The following KATNB1 variants were observed in gnomAD, a reference collection of about 807,000 sequenced individuals.
The protein encoded by KATNB1 is katanin p80 WD40 repeat-containing subunit B1.
A neutral mutation model predicts 82.3 loss-of-function variants in KATNB1; 38 were observed. The observed-to-expected ratio is 0.46, with a 90% CI of 0.36 to 0.61. The LOEUF (loss-of-function observed/expected upper bound fraction) is 0.61, where lower values mean the gene tolerates loss of function less well. Among genes scored for constraint, KATNB1 ranks in the 20% least tolerant of loss-of-function variants. The pLI is 0.00. For synonymous variants in KATNB1, 361 were observed against 368.7 expected, an observed-to-expected ratio of 0.98 and a Z score of 0.24; for missense variants, 749 against 915.7, an observed-to-expected ratio of 0.82 and a Z score of 2.35.
Position 57,756,995 on chromosome 16 carries a change from G to A in KATNB1, c.*49G>A, listed in dbSNP as rs782803522. On this transcript the variant is annotated 3_prime_UTR_variant, in exon 20 of 20. Transcript: ENST00000379661. ...CGGCAGCCCACAGGGCCTGGCCTCA[G>A]CCCCCACTCCTGTTCCTTGTGCACC... The A allele has an allele frequency of 3.6e-4, 526 of 1,459,992 alleles. 2 individuals are homozygous for A. Among genetic ancestry groups the A allele is most frequent in the South Asian group, 1.3e-3 (97 of 72,090 alleles). 90.4% of individuals were successfully genotyped at this position (1,459,992 alleles called of 1,614,324 possible). A position where few individuals can be genotyped will look rare whatever the true frequency, so the allele number is the denominator to read the frequency against.
chr16:57,751,545 T>G lies in KATNB1; in HGVS notation c.433-96T>G. 6 of 1,177,162 alleles carry G rather than the reference T, an allele frequency of 5.1e-6. No homozygotes were observed. The highest frequency in any genetic ancestry group is 1.7e-5 in the Admixed American group (1 of 58,902). 72.9% of individuals were successfully genotyped at this position (1,177,162 alleles called of 1,614,324 possible). ...AGCAGAACCAGGCGGGTAACCAGTG[T>G]TGTTAGATGGAAGGGGTCCCATAGG... is the stretch of plus-strand genomic sequence containing the variant. On this transcript the variant is annotated intron_variant, in intron 6 of 19. Transcript: ENST00000379661. This position sits in a 1 kb window ranked among gnomAD's most constrained non-coding sequence, Gnocchi z 6.3.
chr16:57,750,660 GTGGTGGGACCCT>G (rs2049219540), intron 4 of KATNB1, among the ~76,000 whole-genome samples, 155 bp from the exon 5 acceptor site: 1 of 152,160 alleles, frequency 6.6e-6, no homozygotes, highest in Admixed American at 6.5e-5. Context: ...CGTTGTTAGG[GTGGTGGGACCCT>G]TGATTGTTTC....
In KATNB1 at chr16:57,755,374, G is replaced by T. The variant is rs782410509; in HGVS notation, c.1446G>T (p.Leu482=). The change falls in exon 16 of 20, where the codon CTG becomes CTT. Residue 482 remains leucine, a synonymous_variant. Coordinates refer to ENST00000379661, the MANE Select transcript of KATNB1 (RefSeq NM_005886.3). ...PAVKIPQQAE[L]VDEDAMSQIR... The stretch of plus-strand genomic sequence containing the variant: ...TGAAGATCCCCCAGCAGGCCGAGCT[G>T]GTGGACGAGGATGCCATGTCACAGA... The T allele has an allele frequency of 1.2e-6, 2 of 1,613,234 alleles. No homozygotes were observed. The highest frequency in any genetic ancestry group is 1.7e-6 in the Non-Finnish European group (2 of 1,180,038).
Position 57,755,932 on chromosome 16 carries a change from AG to A in KATNB1, c.1643+20del. 2 of 1,605,006 alleles carry A rather than the reference AG, an allele frequency of 1.2e-6. No homozygotes were observed. Among genetic ancestry groups the A allele is most frequent in the Non-Finnish European group, 1.7e-6 (2 of 1,173,482 alleles). ...AACCAGAAAGCGTAAGTGGCTGCAG[AG>A]GGGGAGTGGGCGGAGGGGCAGGGCT... On this transcript the variant is annotated intron_variant, in intron 17 of 19. Coordinates refer to ENST00000379661, the MANE Select transcript of KATNB1 (RefSeq NM_005886.3).
rs1459929258 is a variant in KATNB1, at chr16:57,751,879, G to C, written c.517-61G>C. ...TGGATAAAGAGCTTGGCCTGGATTA[G>C]AGGGAGGGTGGGCAGCCAAGATGCC... On this transcript the variant is annotated intron_variant, in intron 7 of 19. Transcript: ENST00000379661. This position sits in a 1 kb window ranked among gnomAD's most constrained non-coding sequence, Gnocchi z 6.3. The C allele has an allele frequency of 3.4e-6, 5 of 1,452,958 alleles. No homozygotes were observed. Among genetic ancestry groups the C allele is most frequent in the African/African-American group, 1.4e-5 (1 of 71,412 alleles). The allele number at this position is 1,452,958 out of a possible 1,614,324, so 90.0% of individuals were successfully genotyped here. A position where few individuals can be genotyped will look rare whatever the true frequency, so the allele number is the denominator to read the frequency against.
intron 3 of KATNB1, among the ~76,000 whole-genome samples, chr16:57,744,149 A>G (rs1273070999): frequency 6.6e-6 from 1 of 152,232 alleles, no homozygotes; most frequent in African/African-American, 2.4e-5. Context: ...TCAGAAGCAC[A>G]GCAGGGAAGA....
intron 19 of KATNB1, 53 bp from the exon 20 acceptor site, chr16:57,756,761 G>C (rs1233004337): frequency 1.3e-6 from 2 of 1,494,484 alleles, no homozygotes; most frequent in Non-Finnish European, 1.8e-6. Flanking sequence ...CCTGGGGTTG[G>C]GTGTGGGTGG....
At chr16:57,744,540 C>G (rs150479961) in intron 4 of KATNB1, 29 bp downstream of exon 4, 1 of 1,526,536 alleles carries the variant, frequency 6.6e-7, no homozygotes, top group Non-Finnish European at 9.1e-7. Context: ...CTCCTGTGCA[C>G]GCACACCTGC....
Position 57,738,807 on chromosome 16 carries a change from T to A in KATNB1, c.40+1524T>A, listed in dbSNP as rs1009850850. Reference sequence around the variant, plus strand: ...CTGGCCTTTCCCCAGAGCTAGGCACTGGGGAGCCACTGGGGGACAAAGTAG... The same window carrying A: ...CTGGCCTTTCCCCAGAGCTAGGCACAGGGGAGCCACTGGGGGACAAAGTAG... On this transcript the variant is annotated intron_variant, in intron 2 of 19. Coordinates refer to ENST00000379661, the MANE Select transcript of KATNB1 (RefSeq NM_005886.3). Among the ~76,000 whole-genome samples, 3 of 152,166 alleles carry A rather than the reference T, an allele frequency of 2.0e-5. No homozygotes were observed. The East Asian group carries it at 5.8e-4, about 29-fold the overall frequency.
chr16:57,745,764 ACTT>A (rs2049179810), intron 4 of KATNB1, among the ~76,000 whole-genome samples: 2 of 150,564 alleles, frequency 1.3e-5, no homozygotes, highest in African/African-American at 4.9e-5. Context: ...CTTTTTAATA[ACTT>A]GGTTTCCCTG....
chr16:57,753,326 G>A (rs1039768697), intron 11 of KATNB1, 59 bp downstream of exon 11: 13 of 1,580,308 alleles, frequency 8.2e-6, no homozygotes, highest in East Asian at 2.3e-5. Flanking sequence ...GGGAAGCCTC[G>A]GAGTTCCAGC....
At position 57,737,362 on chromosome 16, in the gene KATNB1, T is replaced by A. The variant is rs1176239956; in HGVS notation, c.40+79T>A. 7 of 1,517,918 alleles carry A rather than the reference T, an allele frequency of 4.6e-6. No individual in the cohort carries two copies. The East Asian group carries it at 1.4e-4, about 29-fold the overall frequency. The allele number at this position is 1,517,918 out of a possible 1,614,324, so 94.0% of individuals were successfully genotyped here. On this transcript the variant is annotated intron_variant, in intron 2 of 19. Coordinates refer to ENST00000379661, the MANE Select transcript of KATNB1 (RefSeq NM_005886.3). ...TGCTGGGAGGCCTGAACCCACAGCT[T>A]TGTTTCCTGTTCTTGGCACAGGAGG...
At position 57,753,182 on chromosome 16, in the gene KATNB1, C is replaced by T; in HGVS notation, c.961C>T (p.Pro321Ser). 6.2e-7 allele frequency: 1 copy of T among 1,609,590 alleles called. No homozygotes were observed. The highest frequency in any genetic ancestry group is 1.1e-5 in the South Asian group (1 of 91,050). The change falls in exon 11 of 20, where the codon CCC (proline) becomes TCC (serine). Residue 321 changes from proline to serine, a missense_variant. Transcript: ENST00000379661. ...VARDPVQDHRPLAQPLPNPSA... is the reference protein window; with the variant it reads ...VARDPVQDHRSLAQPLPNPSA... Reference sequence around the variant, plus strand: ...CCGGGACCCTGTGCAGGACCACCGGCCCCTGGCACAGCCACTGCCCAACCC... The same window carrying T: ...CCGGGACCCTGTGCAGGACCACCGGTCCCTGGCACAGCCACTGCCCAACCC...
In KATNB1 at chr16:57,753,663, T is replaced by C. The variant is rs1597830384; in HGVS notation, c.1177+144T>C. On this transcript the variant is annotated intron_variant, in intron 12 of 19. Coordinates refer to ENST00000379661, the MANE Select transcript of KATNB1 (RefSeq NM_005886.3). The stretch of plus-strand genomic sequence containing the variant: ...TGGGCTCCGTATCCTGTCCTCACGT[T>C]CCCTGGGCCTTGCCAGGCTGTGCTC... The C allele has an allele frequency of 2.6e-6, 3 of 1,160,752 alleles. No individual in the cohort carries two copies. In the East Asian group the frequency reaches 7.7e-5, roughly 30 times the overall value. The allele number at this position is 1,160,752 out of a possible 1,614,324, so 71.9% of individuals were successfully genotyped here.
intron 4 of KATNB1, among the ~76,000 whole-genome samples, chr16:57,746,874 T>C (rs2049187530): frequency 6.6e-6 from 1 of 152,182 alleles, no homozygotes; most frequent in African/African-American, 2.4e-5. Flanking sequence ...CCCGTTTGCC[T>C]GATGCTTTTC....
At position 57,751,234 on chromosome 16, in the gene KATNB1, G is replaced by C; in HGVS notation, c.391-27G>C. 6.2e-7 allele frequency: 1 copy of C among 1,612,078 alleles called. No homozygotes were observed. The highest frequency in any genetic ancestry group is 8.5e-7 in the Non-Finnish European group (1 of 1,178,250). On this transcript the variant is annotated intron_variant, in intron 5 of 19. Coordinates refer to ENST00000379661, the MANE Select transcript of KATNB1 (RefSeq NM_005886.3). This position sits in a 1 kb window ranked among gnomAD's most constrained non-coding sequence, Gnocchi z 6.3. The stretch of plus-strand genomic sequence containing the variant: ...CGTGGCTCTGACCTCTCCTGACTCT[G>C]CCCCTCTGCTTCTCTCTCCCCCACA...
At chr16:57,744,620 G>C (rs782361860) in intron 4 of KATNB1, 109 bp downstream of exon 4, 1 of 903,520 alleles carries the variant, frequency 1.1e-6, no homozygotes, top group Non-Finnish European at 1.8e-6. Context: ...TGGCTGCTTT[G>C]CTCCTGGAGC....
rs60853487 is a variant in KATNB1 at position 57,744,776 on chromosome 16, CGTGTGTGTGT to C, written c.289+282_289+291del. Among the ~76,000 whole-genome samples the C allele has an allele frequency of 0.079, 11,789 of 149,476 alleles. 820 individuals carry two copies. The highest frequency in any genetic ancestry group is 0.17 in the East Asian group (857 of 5,040). On this transcript the variant is annotated intron_variant, in intron 4 of 19. Transcript: ENST00000379661. ...GTTTGGATGTGTGTGTCTGCGGGCA[CGTGTGTGTGT>C]GTGTGTGTGTGTGTGTTTAGAACCT...
intron 2 of KATNB1, among the ~76,000 whole-genome samples, chr16:57,737,937 CAA>C (rs779508514): frequency 6.6e-5 from 10 of 152,306 alleles, no homozygotes; most frequent in African/African-American, 2.2e-4. Context: ...CATTTTCAAA[CAA>C]GAGTATATAA....
Sources: allele counts gnomAD v4.1 joint callset (sites outside exome capture counted in the v4.1 genomes callset), GRCh38; gene constraint gnomAD v4.1.1; non-coding constraint Gnocchi (gnomAD v3.1); transcripts MANE v1.5; gene names NCBI Gene and HGNC (gene_info 2026-07-23, HGNC 2026-07-21).